Variants in PRMT7 observed in about 807,000 individuals in gnomAD.
PRMT7 encodes protein arginine methyltransferase 7, also known as protein arginine N-methyltransferase 7.
Under a neutral mutation model 85.4 loss-of-function variants are expected in PRMT7, and 75 were observed. The observed-to-expected ratio is 0.88, with a 90% CI of 0.73 to 1.06. The LOEUF (loss-of-function observed/expected upper bound fraction) is 1.06. PRMT7 is among the 50% of genes least tolerant of loss of function. The pLI, the probability that PRMT7 is intolerant of heterozygous loss-of-function variation, is 0.00. For missense variants in PRMT7, 868 were observed against 915.2 expected, an observed-to-expected ratio of 0.95 and a Z score of 0.67; for synonymous variants, 397 against 359.5, an observed-to-expected ratio of 1.10 and a Z score of -1.18.
At chr16:68,337,391 C>T in intron 6 of PRMT7, 68 bp from the exon 7 acceptor site, 2 of 1,098,730 alleles carry the variant, frequency 1.8e-6, no homozygotes, top group African/African-American at 1.6e-5. Context: ...TTATCTTTCC[C>T]ATATTTGCTG....
chr16:68,345,570 T>C, intron 9 of PRMT7, 105 bp from the exon 10 acceptor site: 1 of 1,497,296 alleles, frequency 6.7e-7, no homozygotes, highest in Non-Finnish European at 9.1e-7. Context: ...GTAGTCTACA[T>C]TGTGGACGTC....
At chr16:68,349,605 A>G (rs1213878364) in intron 14 of PRMT7, among the ~76,000 whole-genome samples, 1 of 152,130 alleles carries the variant, frequency 6.6e-6, no homozygotes, top group African/African-American at 2.4e-5. Context: ...CATTTAGAAC[A>G]TTTCCAGGCC....
rs1339423357 is a variant in PRMT7 at position 68,322,437 on chromosome 16, A to G, written c.132+975A>G. On this transcript the variant is annotated intron_variant, in intron 4 of 18. Coordinates refer to ENST00000441236, the MANE Select transcript of PRMT7 (RefSeq NM_019023.5). ...GGTCTTGATCCCCTGAGGTCAAGTG[A>G]TCCACCCGCCTTGGTCTCCCAAAGT... 10 of 448,874 alleles carry G rather than the reference A, an allele frequency of 2.2e-5. 1 individual carries two copies. Among genetic ancestry groups the G allele is most frequent in the Non-Finnish European group, 4.5e-5 (10 of 224,234 alleles). The allele number at this position is 448,874 out of a possible 1,614,324, so 27.8% of individuals were successfully genotyped here.
intron 7 of PRMT7, 143 bp downstream of exon 7, chr16:68,337,714 TG>T (rs1176498245): frequency 1.6e-5 from 7 of 447,420 alleles, no homozygotes; most frequent in Non-Finnish European, 2.3e-5. Flanking sequence ...GGGGGGGCTC[TG>T]GTTCTCCTCA....
rs1219615036 is a variant in PRMT7 at position 68,323,622 on chromosome 16, T to C, written c.133-1061T>C. 11 of 152,150 alleles carry C rather than the reference T, an allele frequency of 7.2e-5. No individual in the cohort carries two copies. The East Asian group carries it at 1.9e-3, about 27-fold the overall frequency. 9.4% of individuals were successfully genotyped at this position (152,150 alleles called of 1,614,324 possible). On this transcript the variant is annotated intron_variant, in intron 4 of 18. Transcript: ENST00000441236. ...AGTGTGTTTCTTAATGTATGAAAAATTTTTTTTCTTCAGTTGTGTTTCTGA... is the reference window on the plus strand; with the variant it reads ...AGTGTGTTTCTTAATGTATGAAAAACTTTTTTTCTTCAGTTGTGTTTCTGA...
chr16:68,353,634 C>G, intron 16 of PRMT7, 68 bp downstream of exon 16: 1 of 1,426,864 alleles, frequency 7.0e-7, no homozygotes, highest in Non-Finnish European at 9.3e-7. Flanking sequence ...TCACAGGGTC[C>G]CAGCTTGGGC....
At chr16:68,324,416 A>G in intron 4 of PRMT7, 1 of 483,746 alleles carries the variant, frequency 2.1e-6, no homozygotes, top group Non-Finnish European at 3.7e-6. Flanking sequence ...AACAGTTGGA[A>G]AAAGGAGAAC....
At position 68,347,223 on chromosome 16, in the gene PRMT7, G is replaced by C. The variant is rs1363122168; in HGVS notation, c.1204G>C (p.Asp402His). The C allele has an allele frequency of 1.0e-5, 16 of 1,552,896 alleles. No homozygotes were observed. The highest frequency in any genetic ancestry group is 1.3e-5 in the Non-Finnish European group (15 of 1,147,402). ...VQALRTVLKP[D>H]SVCLCVSDGS... is the part of the protein sequence containing the mutation. Reference sequence around the variant, plus strand: ...CTGTTCCCCGCAGGTGCTGAAGCCAGACAGCGTGTGCCTGTGTGTCAGCGA... The same window carrying C: ...CTGTTCCCCGCAGGTGCTGAAGCCACACAGCGTGTGCCTGTGTGTCAGCGA... Residue 402 changes from aspartate to histidine, a missense_variant, in exon 12 of 19, where the codon GAC becomes CAC. By Grantham distance (81) the Asp-to-His change is moderately conservative. Transcript: ENST00000441236.
At chr16:68,317,845 G>GA (rs1329528254) in intron 3 of PRMT7, among the ~76,000 whole-genome samples, 3 of 54,338 alleles carry the variant, frequency 5.5e-5, no homozygotes, top group Non-Finnish European at 9.1e-5. Context: ...AAAAAAAAAA[G>GA]AAAAAAAACC....
intron 3 of PRMT7, among the ~76,000 whole-genome samples, chr16:68,319,590 TAAAAA>T (rs58594681): frequency 7.4e-4 from 100 of 135,896 alleles, no homozygotes; most frequent in Non-Finnish European, 2.6e-4. Context: ...GATGTGCCAT[TAAAAA>T]AAAAAAAAAA....
chr16:68,319,769 T>C (rs2082285386), intron 3 of PRMT7, among the ~76,000 whole-genome samples: 1 of 122,072 alleles, frequency 8.2e-6, no homozygotes, highest in Non-Finnish European at 1.7e-5. Context: ...CAGGTAAGCT[T>C]TCTAGTGATT....
At chr16:68,324,336 A>G (rs764918881) in intron 4 of PRMT7, 5 of 276,312 alleles carry the variant, frequency 1.8e-5, no homozygotes, top group African/African-American at 4.6e-5. Flanking sequence ...AGCAGCATGC[A>G]GAAAGGAGCA....
In PRMT7 at chr16:68,312,230, T is replaced by TATATATA. The variant is rs1555537325; in HGVS notation, c.-84+54_-84+55insATATATA. On this transcript the variant is annotated intron_variant, in intron 2 of 18. Transcript: ENST00000441236. ...TTATATATATATATATATATATATA[T>TATATATA]TTTTTTTTTTAAGACAGGGTCTCAC... 30 of 65,530 alleles carry TATATATA rather than the reference T, an allele frequency of 4.6e-4. No individual in the cohort carries two copies. The East Asian group carries it at 0.015, about 33-fold the overall frequency. The allele number at this position is 65,530 out of a possible 1,614,324, so 4.1% of individuals were successfully genotyped here. A position where few individuals can be genotyped will look rare whatever the true frequency, so the allele number is the denominator to read the frequency against.
chr16:68,312,229 A>ATATATTTT (rs1419393129), intron 2 of PRMT7, 53 bp downstream of exon 2: 20 of 112,694 alleles, frequency 1.8e-4, no homozygotes, highest in African/African-American at 7.4e-4. Context: ...ATATATATAT[A>ATATATTTT]TTTTTTTTTT....
At chr16:68,339,241 T>A in intron 7 of PRMT7, 81 bp from the exon 8 acceptor site, 1 of 1,574,856 alleles carries the variant, frequency 6.3e-7, no homozygotes, top group Non-Finnish European at 8.6e-7. Context: ...TGTTAAGGAA[T>A]AAACCTCTTT....
intron 9 of PRMT7, among the ~76,000 whole-genome samples, chr16:68,341,813 A>G (rs1187512808): frequency 2.0e-5 from 3 of 152,250 alleles, no homozygotes; most frequent in Non-Finnish European, 4.4e-5. Flanking sequence ...CAAAGGGTCA[A>G]TCTTAGTTTC....
chr16:68,346,584 T>TCC (rs2086426226), intron 11 of PRMT7, among the ~76,000 whole-genome samples: 3 of 117,554 alleles, frequency 2.6e-5, no homozygotes, highest in African/African-American at 1.0e-4. Context: ...CCACCCCCTC[T>TCC]TTTCATGTGT....
intron 14 of PRMT7, among the ~76,000 whole-genome samples, 177 bp downstream of exon 14, chr16:68,348,608 G>A (rs368208357): frequency 6.7e-6 from 1 of 149,240 alleles, no homozygotes; most frequent in Non-Finnish European, 1.5e-5. Flanking sequence ...GGAGCTGCCC[G>A]GTGAGCAGAT....
rs752230872 is a variant in PRMT7 at position 68,315,976 on chromosome 16, C to T, written c.-4C>T. 15 of 1,613,222 alleles carry T rather than the reference C, an allele frequency of 9.3e-6. 1 individual carries two copies. The Admixed American group carries it at 2.0e-4, about 22-fold the overall frequency. ...GTGCTAAAACTGGGGAGCTAGTGGG[C>T]ACCATGAAGATCTTCTGCAGTCGGG... On this transcript the variant is annotated 5_prime_UTR_variant, in exon 3 of 19. Coordinates refer to ENST00000441236, the MANE Select transcript of PRMT7 (RefSeq NM_019023.5).
Sources: allele counts gnomAD v4.1 joint callset (sites outside exome capture counted in the v4.1 genomes callset), GRCh38; gene constraint gnomAD v4.1.1; transcripts MANE v1.5; gene names NCBI Gene and HGNC (gene_info 2026-07-23, HGNC 2026-07-21).